GPR149: variants seen among roughly 807,000 people sequenced by gnomAD.
The protein encoded by GPR149 is probable G protein-coupled receptor 149.
GPR149 carries 50 observed loss-of-function variants against 50.2 expected under a neutral mutation model. The ratio of observed to expected loss-of-function variants is 1.00; its 90% CI spans 0.79 to 1.26. The LOEUF (loss-of-function observed/expected upper bound fraction) is 1.26. Ranked by LOEUF, GPR149 falls within the 50% of genes most tolerant of loss-of-function variation. GPR149 has a pLI of 0.00. For synonymous variants in GPR149, 405 were observed against 358.2 expected (o/e 1.13, Z -1.48); for missense variants, 983 against 895.4 (o/e 1.10, Z -1.25).
At chr3:154,396,247 A>G (rs1280013384) in intron 3 of GPR149, among the ~76,000 whole-genome samples, 1 of 152,232 alleles carries the variant, frequency 6.6e-6, no homozygotes, top group African/African-American at 2.4e-5. Flanking sequence ...GCACCTAATT[A>G]ATTGTTGAGG....
intron 3 of GPR149, chr3:154,353,022 C>T: frequency 7.4e-7 from 1 of 1,349,294 alleles, no homozygotes; most frequent in Non-Finnish European, 1.1e-6. Flanking sequence ...AACTTTAAAA[C>T]TATCTTCTCT....
At chr3:154,392,981 A>G (rs1417844612) in intron 3 of GPR149, among the ~76,000 whole-genome samples, 1 of 152,034 alleles carries the variant, frequency 6.6e-6, no homozygotes, top group East Asian at 1.9e-4. Flanking sequence ...AAATGGCTTC[A>G]ATAGTGAATT....
intron 3 of GPR149, among the ~76,000 whole-genome samples, chr3:154,344,731 G>A (rs900980984): frequency 6.6e-6 from 1 of 152,164 alleles, no homozygotes; most frequent in African/African-American, 2.4e-5. Context: ...ATTGCTGGGA[G>A]CCACCAGAAG....
At chr3:154,369,605 A>G (rs1714615576) in intron 3 of GPR149, among the ~76,000 whole-genome samples, 1 of 152,190 alleles carries the variant, frequency 6.6e-6, no homozygotes, top group African/African-American at 2.4e-5. Context: ...AGGCACCCAA[A>G]CTATCTCCCT....
chr3:154,394,078 G>A (rs1406513371), intron 3 of GPR149, among the ~76,000 whole-genome samples: 1 of 151,890 alleles, frequency 6.6e-6, no homozygotes, highest in Non-Finnish European at 1.5e-5. Flanking sequence ...AGATTCATAT[G>A]GAATCACAAA....
At chr3:154,384,880 A>C (rs1715012915) in intron 3 of GPR149, among the ~76,000 whole-genome samples, 1 of 152,224 alleles carries the variant, frequency 6.6e-6, no homozygotes, top group Admixed American at 6.5e-5. Context: ...AATAGTTATC[A>C]ATATTTCTCT....
chr3:154,345,365 A>AT (rs1300664033), intron 3 of GPR149, among the ~76,000 whole-genome samples: 1 of 152,220 alleles, frequency 6.6e-6, no homozygotes, highest in African/African-American at 2.4e-5. Context: ...ATGGCACTGA[A>AT]TTTTATGTGA....
chr3:154,388,303 C>T (rs1174929564), intron 3 of GPR149, among the ~76,000 whole-genome samples: 2 of 151,820 alleles, frequency 1.3e-5, no homozygotes, highest in Non-Finnish European at 2.9e-5. Context: ...TATATATACA[C>T]ATATATATAC....
Position 154,337,937 on chromosome 3 carries a change from C to T in GPR149, c.1958G>A (p.Arg653His), listed in dbSNP as rs200247671. Residue 653 changes from arginine (R) to histidine (H), a missense_variant, in exon 4 of 4, where the codon CGT becomes CAT. Physicochemically the swap from Arg to His is conservative, Grantham distance 29 (BLOSUM62 0). Coordinates refer to ENST00000389740, the MANE Select transcript of GPR149 (RefSeq NM_001038705.3). ...SSTQVRSPSL[R>H]YSRKENRFVS... ...AAATCTGTTTTCTTTCCTGGAGTAA[C>T]GTAGGGATGGAGATCTGACTTGTGT... 96 of 1,613,062 alleles carry T rather than the reference C, an allele frequency of 6.0e-5. No homozygotes were observed. Among genetic ancestry groups the T allele is most frequent in the Admixed American group, 8.3e-5 (5 of 59,934 alleles).
At chr3:154,396,280 T>C (rs895552106) in intron 3 of GPR149, among the ~76,000 whole-genome samples, 2 of 152,222 alleles carry the variant, frequency 1.3e-5, no homozygotes, top group South Asian at 2.1e-4. Flanking sequence ...CACATGTTTT[T>C]TATTTCCATT....
intron 3 of GPR149, among the ~76,000 whole-genome samples, chr3:154,365,181 T>C (rs570813915): frequency 2.2e-4 from 34 of 152,226 alleles, no homozygotes; most frequent in Non-Finnish European, 4.6e-4. Flanking sequence ...ATGATGAATG[T>C]TGATACCTTT....
At position 154,429,050 on chromosome 3, in the gene GPR149, G is replaced by T; in HGVS notation, c.566C>A (p.Ser189Tyr). The change falls in exon 1 of 4, where the codon TCC (serine) becomes TAC (tyrosine). Residue 189 changes from serine (S) to tyrosine (Y), a missense_variant. Coordinates refer to ENST00000389740, the MANE Select transcript of GPR149 (RefSeq NM_001038705.3). ...CACGATAGAGAGGAATAGTACGTAG[G>T]AGCTGGAGCAGTCCACCAGGCAGCC... The part of the protein sequence containing the change: ...PWGCLVDCSS[S>Y]YVLFLSIVYA... 6.2e-7 allele frequency: 1 copy of T among 1,614,002 alleles called. No homozygotes were observed. Among genetic ancestry groups the T allele is most frequent in the Admixed American group, 1.7e-5 (1 of 60,026 alleles).
At chr3:154,339,361 A>G (rs1227824854) in intron 3 of GPR149, among the ~76,000 whole-genome samples, 12 of 152,198 alleles carry the variant, frequency 7.9e-5, no homozygotes, top group Non-Finnish European at 1.5e-5. Context: ...CCAGAAAAAA[A>G]GGGGTAATGG....
At chr3:154,348,077 G>A (rs1713977536) in intron 3 of GPR149, among the ~76,000 whole-genome samples, 1 of 152,126 alleles carries the variant, frequency 6.6e-6, no homozygotes, top group South Asian at 2.1e-4. Context: ...TTAGGGGAGT[G>A]CCTCATACAT....
intron 3 of GPR149, among the ~76,000 whole-genome samples, chr3:154,409,793 T>C (rs1711786569): frequency 6.6e-6 from 1 of 152,126 alleles, no homozygotes; most frequent in Admixed American, 6.6e-5. Flanking sequence ...ATCTGAAAGT[T>C]TGAAAAACAT....
At chr3:154,383,647 C>T (rs920008282) in intron 3 of GPR149, among the ~76,000 whole-genome samples, 2 of 152,066 alleles carry the variant, frequency 1.3e-5, no homozygotes, top group African/African-American at 4.8e-5. Flanking sequence ...AGTTCATGGG[C>T]ATATGCTTGG....
chr3:154,396,063 A>AT (rs546227610), intron 3 of GPR149, among the ~76,000 whole-genome samples: 4 of 152,102 alleles, frequency 2.6e-5, no homozygotes, highest in Non-Finnish European at 4.4e-5. Context: ...TTCCAAACAG[A>AT]TTTTTTTTAA....
At chr3:154,355,503 T>C (rs781560536) in intron 3 of GPR149, among the ~76,000 whole-genome samples, 59 of 152,228 alleles carry the variant, frequency 3.9e-4, no homozygotes, top group Non-Finnish European at 6.6e-4. Context: ...TCTGTTCTAA[T>C]AGAAACGAAA....
chr3:154,399,145 T>G (rs1715362793), intron 3 of GPR149, among the ~76,000 whole-genome samples: 1 of 152,188 alleles, frequency 6.6e-6, no homozygotes, highest in African/African-American at 2.4e-5. Context: ...TTAGTATTTT[T>G]TTTTAAGTTT....
Sources: allele counts gnomAD v4.1 joint callset (sites outside exome capture counted in the v4.1 genomes callset), GRCh38; gene constraint gnomAD v4.1.1; transcripts MANE v1.5; gene names NCBI Gene and HGNC (gene_info 2026-07-23, HGNC 2026-07-21).